Variants in CFAP61 observed in about 807,000 individuals in gnomAD.
CFAP61 encodes cilia and flagella associated protein 61.
A neutral mutation model predicts 135.6 loss-of-function variants in CFAP61; 107 were observed. That is an observed-to-expected ratio of 0.79 (90% confidence interval 0.67 to 0.93). CFAP61 has a LOEUF of 0.93. Ranked by LOEUF, CFAP61 falls within the 40% of genes least tolerant of loss-of-function variation. The pLI, the probability that CFAP61 is intolerant of heterozygous loss-of-function variation, is 0.00. For missense variants in CFAP61, 1,507 were observed against 1,556.2 expected (o/e 0.97, Z 0.53); for synonymous variants, 575 against 578.5 (o/e 0.99, Z 0.09).
At chr20:20,054,781 C>G (rs2044169911) in intron 1 of CFAP61, among the ~76,000 whole-genome samples, 1 of 152,140 alleles carries the variant, frequency 6.6e-6, no homozygotes, top group South Asian at 2.1e-4. Flanking sequence ...GACAGTCTGT[C>G]TTTTGTCAGG....
intron 26 of CFAP61, among the ~76,000 whole-genome samples, chr20:20,352,398 G>A (rs922509766): frequency 3.9e-5 from 6 of 152,100 alleles, no homozygotes; most frequent in East Asian, 1.9e-4. Context: ...TCTGTCTTTC[G>A]ACAGACACGT....
intron 25 of CFAP61, among the ~76,000 whole-genome samples, chr20:20,332,092 C>T (rs1216401868): frequency 6.6e-6 from 1 of 152,154 alleles, no homozygotes; most frequent in African/African-American, 2.4e-5. Flanking sequence ...CCTAAGAAAC[C>T]AGCAATGTGC....
chr20:20,263,231 A>AT, intron 21 of CFAP61, 101 bp downstream of exon 21: 18 of 769,288 alleles, frequency 2.3e-5, no homozygotes, highest in Non-Finnish European at 3.4e-5. Flanking sequence ...GTGCCTAATT[A>AT]ATTCCAACCA....
chr20:20,208,857 A>G (rs1006695127), intron 17 of CFAP61, among the ~76,000 whole-genome samples: 1 of 152,156 alleles, frequency 6.6e-6, no homozygotes, highest in South Asian at 2.1e-4. Context: ...GGGGACTCAC[A>G]TGAAGCTCTT....
chr20:20,216,943 T>C (rs1204327319), intron 17 of CFAP61, among the ~76,000 whole-genome samples: 1 of 152,202 alleles, frequency 6.6e-6, no homozygotes, highest in African/African-American at 2.4e-5. Context: ...TAACTTGTGT[T>C]CAGCAGTGGC....
intron 9 of CFAP61, among the ~76,000 whole-genome samples, chr20:20,146,188 A>G (rs901195616): frequency 6.6e-6 from 1 of 152,224 alleles, no homozygotes; most frequent in Admixed American, 6.5e-5. Context: ...TGAGTGAATA[A>G]TAATAGAAAA....
chr20:20,132,698 A>T (rs1310025015), intron 8 of CFAP61, among the ~76,000 whole-genome samples: 1 of 152,058 alleles, frequency 6.6e-6, no homozygotes, highest in Non-Finnish European at 1.5e-5. Context: ...TTTAAGGCAT[A>T]ATTTTTAAAT....
intron 8 of CFAP61, among the ~76,000 whole-genome samples, chr20:20,103,067 G>A (rs2048136741): frequency 6.6e-6 from 1 of 152,160 alleles, no homozygotes; most frequent in Non-Finnish European, 1.5e-5. Flanking sequence ...GACTTGGCTG[G>A]TGTGGTGCAG....
At chr20:20,166,298 A>C in intron 11 of CFAP61, 99 bp from the exon 12 acceptor site, 1 of 941,430 alleles carries the variant, frequency 1.1e-6, no homozygotes, top group Non-Finnish European at 1.7e-6. Flanking sequence ...TGGTTGGCTA[A>C]TCGCTGCCCG....
intron 20 of CFAP61, among the ~76,000 whole-genome samples, chr20:20,254,786 G>A (rs779577634): frequency 1.3e-5 from 2 of 152,154 alleles, no homozygotes; most frequent in Non-Finnish European, 2.9e-5. Flanking sequence ...ATGACAAACC[G>A]CAACCTCTAA....
chr20:20,214,021 T>TA (rs1358463034), intron 17 of CFAP61, among the ~76,000 whole-genome samples: 3 of 152,084 alleles, frequency 2.0e-5, no homozygotes. Context: ...TTGGAGTTAT[T>TA]CATTGATTCT....
intron 11 of CFAP61, among the ~76,000 whole-genome samples, chr20:20,166,005 A>G (rs1601108862): frequency 6.6e-6 from 1 of 152,216 alleles, no homozygotes; most frequent in Non-Finnish European, 1.5e-5. Flanking sequence ...TGGTTTGCCT[A>G]TGAATGTACA....
chr20:20,355,214 G>C (rs1409080418), intron 26 of CFAP61, among the ~76,000 whole-genome samples: 2 of 146,520 alleles, frequency 1.4e-5, no homozygotes, highest in African/African-American at 5.2e-5. Flanking sequence ...CACTGTGAGG[G>C]GAGGTGATCA....
intron 6 of CFAP61, among the ~76,000 whole-genome samples, chr20:20,079,624 T>TGAA (rs1458405534): frequency 1.3e-5 from 2 of 152,180 alleles, no homozygotes; most frequent in Non-Finnish European, 1.5e-5. Context: ...GCAGCATGTC[T>TGAA]CTTAACGAAG....
At chr20:20,353,681 A>G (rs915864064) in intron 26 of CFAP61, among the ~76,000 whole-genome samples, 1 of 152,218 alleles carries the variant, frequency 6.6e-6, no homozygotes, top group Non-Finnish European at 1.5e-5. Context: ...GCTTAAAGTT[A>G]CAGTTTCCAG....
chr20:20,199,777 C>G lies in CFAP61; in HGVS notation c.1807C>G (p.Pro603Ala), dbSNP rs1264790610. 7.4e-6 allele frequency: 12 copies of G among 1,614,006 alleles called. No homozygotes were observed. Among genetic ancestry groups the G allele is most frequent in the Non-Finnish European group, 1.0e-5 (12 of 1,180,020 alleles). Reference sequence around the variant, plus strand: ...GATTGCTGTCTTTCAGTTCCAGAACCCCTACGCCCACTCCCTGACATCTGC... The same window carrying G: ...GATTGCTGTCTTTCAGTTCCAGAACGCCTACGCCCACTCCCTGACATCTGC... Reference protein sequence around the residue: ...PKSREGKFQNPYAHSLTSALH... With the variant: ...PKSREGKFQNAYAHSLTSALH... Residue 603 changes from proline (P) to alanine (A), a missense_variant, in exon 17 of 27, where the codon CCC (proline) becomes GCC (alanine). Coordinates refer to ENST00000245957, the MANE Select transcript of CFAP61 (RefSeq NM_015585.4).
chr20:20,180,937 T>C (rs568078505), intron 13 of CFAP61, among the ~76,000 whole-genome samples: 2 of 152,092 alleles, frequency 1.3e-5, no homozygotes, highest in South Asian at 2.1e-4. Flanking sequence ...TTCTCACTTA[T>C]AGGTGGGAGC....
intron 6 of CFAP61, among the ~76,000 whole-genome samples, chr20:20,079,432 T>A (rs2046279000): frequency 1.3e-5 from 1 of 75,546 alleles, no homozygotes; most frequent in African/African-American, 3.2e-5. Context: ...TAGTCAGTGC[T>A]ATTTTTTTTT....
chr20:20,294,147 T>C (rs2055211949), intron 24 of CFAP61, among the ~76,000 whole-genome samples: 1 of 152,170 alleles, frequency 6.6e-6, no homozygotes, highest in Non-Finnish European at 1.5e-5. Context: ...AACCGGAAGG[T>C]TGCAAAATAA....
Sources: allele counts gnomAD v4.1 joint callset (sites outside exome capture counted in the v4.1 genomes callset), GRCh38; gene constraint gnomAD v4.1.1; transcripts MANE v1.5; gene names NCBI Gene and HGNC (gene_info 2026-07-23, HGNC 2026-07-21).